Variants in LINC00305 observed in about 807,000 individuals in gnomAD.
LINC00305 encodes the protein long intergenic non-protein coding RNA 305.
intron 1 of LINC00305, among the ~76,000 whole-genome samples, chr18:64,131,819 A>T (rs1391496535): frequency 2.6e-5 from 4 of 152,206 alleles, no homozygotes; most frequent in Non-Finnish European, 4.4e-5. Flanking sequence ...GTGGAAGGCA[A>T]TGTGCTATGT....
At chr18:64,111,437 A>C (rs966830749) in intron 1 of LINC00305, among the ~76,000 whole-genome samples, 2 of 152,258 alleles carry the variant, frequency 1.3e-5, no homozygotes, top group African/African-American at 4.8e-5. Flanking sequence ...TGAGGACAGC[A>C]GAAGCTTCTG....
chr18:64,117,003 G>A (rs1289954699), intron 1 of LINC00305, among the ~76,000 whole-genome samples: 1 of 152,150 alleles, frequency 6.6e-6, no homozygotes. Flanking sequence ...GCATAACAAT[G>A]AGTTTCATTC....
intron 1 of LINC00305, among the ~76,000 whole-genome samples, chr18:64,144,451 AT>A (rs997977648): frequency 6.6e-6 from 1 of 152,120 alleles, no homozygotes; most frequent in Non-Finnish European, 1.5e-5. Context: ...CTGAAACCTT[AT>A]TTTTTGCCCA....
chr18:64,114,227 G>A (rs909101044), intron 1 of LINC00305, among the ~76,000 whole-genome samples: 2 of 152,278 alleles, frequency 1.3e-5, no homozygotes, highest in East Asian at 1.9e-4. Context: ...CCGAGATTGC[G>A]CCACTGCACT....
At chr18:64,103,500 C>T (rs185197280) in intron 1 of LINC00305, among the ~76,000 whole-genome samples, 1 of 152,328 alleles carries the variant, frequency 6.6e-6, no homozygotes, top group African/African-American at 2.4e-5. Flanking sequence ...TTTCACTAAA[C>T]TGGGTCTAAA....
At chr18:64,144,041 T>C (rs1431179767) in intron 1 of LINC00305, among the ~76,000 whole-genome samples, 1 of 152,194 alleles carries the variant, frequency 6.6e-6, no homozygotes, top group Admixed American at 6.5e-5. Flanking sequence ...TTGCTAATTA[T>C]AGAAGGAAGA....
chr18:64,087,226 A>T (rs1241826547), intron 3 of LINC00305, among the ~76,000 whole-genome samples: 1 of 152,206 alleles, frequency 6.6e-6, no homozygotes, highest in Admixed American at 6.5e-5. Flanking sequence ...TTCATTTTCT[A>T]ATCATGCAGT....
chr18:64,143,577 T>C (rs556565470), intron 1 of LINC00305, among the ~76,000 whole-genome samples: 1 of 9,652 alleles, frequency 1.0e-4, no homozygotes, highest in African/African-American at 2.8e-4. Flanking sequence ...TACACATATG[T>C]ATATGTACAT....
At chr18:64,100,108 C>G (rs1397510588) in intron 1 of LINC00305, among the ~76,000 whole-genome samples, 1 of 152,020 alleles carries the variant, frequency 6.6e-6, no homozygotes, top group East Asian at 1.9e-4. Flanking sequence ...AGCTGGCTGG[C>G]TAACTCCAAG....
intron 1 of LINC00305, among the ~76,000 whole-genome samples, chr18:64,126,940 G>A (rs2144264494): frequency 6.6e-6 from 1 of 152,206 alleles, no homozygotes; most frequent in East Asian, 1.9e-4. Context: ...AAGCACTTTT[G>A]ATTGCAGGAA....
chr18:64,143,789 T>TA (rs2051483005), intron 1 of LINC00305, among the ~76,000 whole-genome samples: 1 of 99,408 alleles, frequency 1.0e-5, no homozygotes, highest in African/African-American at 3.6e-5. Context: ...TATGTACACA[T>TA]ATTATGCGTA....
intron 1 of LINC00305, among the ~76,000 whole-genome samples, chr18:64,147,571 A>G (rs1341133903): frequency 6.6e-6 from 1 of 152,132 alleles, no homozygotes; most frequent in Non-Finnish European, 1.5e-5. Flanking sequence ...GTTCACCCCT[A>G]TTCTGGCTGA....
chr18:64,133,911 C>A (rs192234456), intron 1 of LINC00305, among the ~76,000 whole-genome samples: 28 of 152,260 alleles, frequency 1.8e-4, no homozygotes, highest in African/African-American at 4.8e-4. Context: ...CAAAGTAGAA[C>A]TTTACCCTAG....
At chr18:64,130,572 G>A (rs1202953687) in intron 1 of LINC00305, among the ~76,000 whole-genome samples, 1 of 151,998 alleles carries the variant, frequency 6.6e-6, no homozygotes, top group East Asian at 1.9e-4. Context: ...TGCATTAAAA[G>A]ATCGATAAGT....
At chr18:64,146,294 G>A (rs1319768279) in intron 1 of LINC00305, among the ~76,000 whole-genome samples, 1 of 152,188 alleles carries the variant, frequency 6.6e-6, no homozygotes, top group African/African-American at 2.4e-5. Flanking sequence ...AATGTCCAAA[G>A]ATGACAGTGT....
intron 3 of LINC00305, among the ~76,000 whole-genome samples, chr18:64,086,700 A>G (rs146610809): frequency 5.3e-5 from 8 of 152,330 alleles, no homozygotes; most frequent in Non-Finnish European, 7.3e-5. Flanking sequence ...TCAGGATGGA[A>G]GAGTCTCATT....
At chr18:64,115,443 A>T (rs1222402767) in intron 1 of LINC00305, among the ~76,000 whole-genome samples, 1 of 152,128 alleles carries the variant, frequency 6.6e-6, no homozygotes, top group African/African-American at 2.4e-5. Flanking sequence ...AAAATGAGGT[A>T]GGAATGATTT....
rs142296235 is a variant in LINC00305, at chr18:64,140,428, C to T, written n.314+8347G>A. The stretch of plus-strand genomic sequence containing the variant: ...TTCACCATGTTGGCCAGGCTGGTCT[C>T]GAACACGTGACCTCAGGTGATCCAC... On this transcript the variant is annotated intron_variant and non_coding_transcript_variant, in intron 1 of 3. Transcript: ENST00000666468. 2.0e-3 allele frequency among the ~76,000 whole-genome samples: 297 copies of T among 152,226 alleles called. 2 individuals are homozygous for T. Among genetic ancestry groups the T allele is most frequent in the African/African-American group, 6.5e-3 (269 of 41,532 alleles).
At chr18:64,103,731 T>C (rs1330447537) in intron 1 of LINC00305, among the ~76,000 whole-genome samples, 1 of 152,210 alleles carries the variant, frequency 6.6e-6, no homozygotes, top group Admixed American at 6.5e-5. Flanking sequence ...CAAATATACT[T>C]ACCCTACACC....
Sources: allele counts gnomAD v4.1 joint callset (sites outside exome capture counted in the v4.1 genomes callset), GRCh38; gene constraint gnomAD v4.1.1; transcripts MANE v1.5; gene names NCBI Gene and HGNC (gene_info 2026-07-23, HGNC 2026-07-21).